ARID5B: variants seen among roughly 807,000 people sequenced by gnomAD.
The protein encoded by ARID5B is AT-rich interaction domain 5B, also known as AT-rich interactive domain-containing protein 5B.
Under a neutral mutation model 97.2 loss-of-function variants are expected in ARID5B, and 13 were observed. That is an observed-to-expected ratio of 0.13 (90% CI 0.09 to 0.21). The LOEUF (loss-of-function observed/expected upper bound fraction) is 0.21, where lower values mean the gene tolerates loss of function less well. Ranked by LOEUF, ARID5B falls within the 10% of genes least tolerant of loss-of-function variation. ARID5B has a pLI of 1.00. For missense variants in ARID5B, 1,210 were observed against 1,465.3 expected (o/e 0.83, Z 2.84); for synonymous variants, 556 against 570.3 (o/e 0.97, Z 0.36).
In ARID5B at chr10:61,916,913, A is replaced by G. The variant is rs981817004; in HGVS notation, c.276+14500A>G. ...TGTAAGTGCCCTCTGGGTCAGGCAG[A>G]TAAGATCAATGAGTGACTGGGCCAG... On this transcript the variant is annotated intron_variant, in intron 2 of 9. Transcript: ENST00000279873. Among the ~76,000 whole-genome samples, 12 of 152,182 alleles carry G rather than the reference A, an allele frequency of 7.9e-5. 1 individual carries two copies. Among genetic ancestry groups the G allele is most frequent in the Admixed American group, 2.6e-4 (4 of 15,278 alleles).
chr10:62,083,665 A>C (rs958984157), intron 8 of ARID5B, among the ~76,000 whole-genome samples: 5 of 152,238 alleles, frequency 3.3e-5, no homozygotes, highest in African/African-American at 9.6e-5. Context: ...TTGAGTTCCC[A>C]TGGCAACAAA....
At chr10:61,913,309 T>C (rs555466574) in intron 2 of ARID5B, among the ~76,000 whole-genome samples, 1 of 152,340 alleles carries the variant, frequency 6.6e-6, no homozygotes, top group South Asian at 2.1e-4. Flanking sequence ...GTATTGTTGA[T>C]AACGATGGTC....
chr10:61,938,448 G>T (rs575109063), intron 2 of ARID5B, among the ~76,000 whole-genome samples: 2 of 152,196 alleles, frequency 1.3e-5, no homozygotes, highest in East Asian at 3.9e-4. Context: ...TTGATTTCTG[G>T]TGTCACCTGT....
chr10:61,940,458 C>G (rs1455150617), intron 3 of ARID5B, 50 bp downstream of exon 3: 1 of 1,498,496 alleles, frequency 6.7e-7, no homozygotes, highest in Non-Finnish European at 9.1e-7. Context: ...TATATAGTAA[C>G]TTTTCGGTTG....
At chr10:62,051,597 TG>T (rs1839791542) in intron 5 of ARID5B, among the ~76,000 whole-genome samples, 1 of 152,240 alleles carries the variant, frequency 6.6e-6, no homozygotes, top group Non-Finnish European at 1.5e-5. Flanking sequence ...TCTACGCTGT[TG>T]TTCAAGACCC....
In ARID5B at chr10:62,047,451, T is replaced by C. The variant is rs150446135; in HGVS notation, c.734-3437T>C. 3.4e-3 allele frequency among the ~76,000 whole-genome samples: 518 copies of C among 152,304 alleles called. 2 individuals are homozygous for C. The highest frequency in any genetic ancestry group is 0.011 in the African/African-American group (460 of 41,550). On this transcript the variant is annotated intron_variant, in intron 4 of 9. Coordinates refer to ENST00000279873, the MANE Select transcript of ARID5B (RefSeq NM_032199.3). ...GTCTATTGCTTTGCACTGTTTTTTT[T>C]CTAATAAAACTGACTGAAGCCAGAT... is the stretch of plus-strand genomic sequence containing the variant.
chr10:62,041,214 A>G (rs988520774), intron 4 of ARID5B, among the ~76,000 whole-genome samples: 6 of 152,282 alleles, frequency 3.9e-5, no homozygotes, highest in African/African-American at 1.2e-4. Flanking sequence ...GTGAGTTTGC[A>G]TGAGGTTCTT....
At chr10:61,949,034 C>G (rs1449264954) in intron 3 of ARID5B, among the ~76,000 whole-genome samples, 1 of 152,182 alleles carries the variant, frequency 6.6e-6, no homozygotes, top group African/African-American at 2.4e-5. Context: ...GCTACTGTGG[C>G]TCAATATCAA....
At chr10:61,922,551 C>T (rs995412871) in intron 2 of ARID5B, among the ~76,000 whole-genome samples, 1 of 152,108 alleles carries the variant, frequency 6.6e-6, no homozygotes, top group Non-Finnish European at 1.5e-5. Flanking sequence ...TGCAGTGAGC[C>T]GAGATCATGC....
rs1318458291 is a variant in ARID5B, at chr10:61,970,279, C to T, written c.503-29812C>T. ...TTCATTGTATAATTGTTTTTCCCTGCTGTGGACATTAGCCTTTGGCATATG... is the reference window on the plus strand; with the variant it reads ...TTCATTGTATAATTGTTTTTCCCTGTTGTGGACATTAGCCTTTGGCATATG... On this transcript the variant is annotated intron_variant, in intron 3 of 9. Transcript: ENST00000279873. Among the ~76,000 whole-genome samples the T allele has an allele frequency of 2.0e-5, 3 of 152,348 alleles. No homozygotes were observed. In the East Asian group the frequency reaches 5.8e-4, roughly 29 times the overall value.
chr10:61,985,572 A>G (rs1436233365), intron 3 of ARID5B, among the ~76,000 whole-genome samples: 1 of 152,136 alleles, frequency 6.6e-6, no homozygotes, highest in African/African-American at 2.4e-5. Context: ...GTTAATGGGT[A>G]TGAGGTTTCC....
chr10:61,952,460 T>C (rs1054735653), intron 3 of ARID5B, among the ~76,000 whole-genome samples: 1 of 152,240 alleles, frequency 6.6e-6, no homozygotes, highest in African/African-American at 2.4e-5. Flanking sequence ...GTTTATCTTA[T>C]CTTCCCAAAA....
At chr10:61,961,774 T>C (rs1180817739) in intron 3 of ARID5B, among the ~76,000 whole-genome samples, 3 of 151,902 alleles carry the variant, frequency 2.0e-5, no homozygotes, top group Admixed American at 6.6e-5. Flanking sequence ...TGAGATGGAG[T>C]TTCACTCTTG....
intron 9 of ARID5B, among the ~76,000 whole-genome samples, chr10:62,089,190 A>G (rs1408708355): frequency 2.0e-5 from 3 of 152,190 alleles, no homozygotes; most frequent in Admixed American, 1.3e-4. Flanking sequence ...CAAGAGACCA[A>G]TGTGATGATT....
chr10:61,927,864 G>A (rs902775153), intron 2 of ARID5B, among the ~76,000 whole-genome samples: 1 of 152,148 alleles, frequency 6.6e-6, no homozygotes, highest in Admixed American at 6.5e-5. Context: ...AGTCTCCAGC[G>A]GAGAGTGTGT....
chr10:62,003,855 T>G (rs546801682), intron 4 of ARID5B, among the ~76,000 whole-genome samples: 24 of 152,294 alleles, frequency 1.6e-4, no homozygotes, highest in Non-Finnish European at 3.1e-4. Context: ...CAATCCCCAC[T>G]GCTGTTTTAA....
At position 62,096,851 on chromosome 10, in the gene ARID5B, G is replaced by A. The variant is rs570126645; in HGVS notation, c.*3821G>A. 533 of 233,410 alleles carry A rather than the reference G, an allele frequency of 2.3e-3. 2 individuals carry two copies. Among genetic ancestry groups the A allele is most frequent in the Non-Finnish European group, 3.4e-3 (403 of 117,934 alleles). 14.5% of individuals were successfully genotyped at this position (233,410 alleles called of 1,614,324 possible). Reference sequence around the variant, plus strand: ...ATTACTGCTTTTGATACTGTATTACGTGCCAATAGTTTCCCAATCACATAG... The same window carrying A: ...ATTACTGCTTTTGATACTGTATTACATGCCAATAGTTTCCCAATCACATAG... On this transcript the variant is annotated 3_prime_UTR_variant, in exon 10 of 10. Coordinates refer to ENST00000279873, the MANE Select transcript of ARID5B (RefSeq NM_032199.3).
intron 2 of ARID5B, among the ~76,000 whole-genome samples, chr10:61,916,591 G>T (rs1843909242): frequency 6.6e-6 from 1 of 152,168 alleles, no homozygotes; most frequent in Non-Finnish European, 1.5e-5. Context: ...AATTTGAAAG[G>T]TTAGGTAACT....
At position 62,076,561 on chromosome 10, in the gene ARID5B, CAAA is replaced by C. The variant is rs11363274; in HGVS notation, c.1199+6779_1199+6781del. On this transcript the variant is annotated intron_variant, in intron 8 of 9. Transcript: ENST00000279873. ...TGGGCTACAGAGCGAGACTCTGTCTCAAAAAAAAAAAAAAAAACTACATCTATA... is the reference window on the plus strand; with the variant it reads ...TGGGCTACAGAGCGAGACTCTGTCTCAAAAAAAAAAAAAACTACATCTATA... Among the ~76,000 whole-genome samples, 5 of 92,674 alleles carry C rather than the reference CAAA, an allele frequency of 5.4e-5. 1 individual carries two copies. Among genetic ancestry groups the C allele is most frequent in the Non-Finnish European group, 8.9e-5 (4 of 45,082 alleles). 60.8% of individuals were successfully genotyped at this position (92,674 alleles called of 152,430 possible).
Sources: gnomAD v4.1 joint callset for allele counts (sites outside exome capture counted in the v4.1 genomes callset) on GRCh38, gnomAD v4.1.1 for gene constraint, MANE v1.5 for transcripts, NCBI Gene and HGNC (gene_info 2026-07-23, HGNC 2026-07-21) for gene names.